Variants in PALM2AKAP2 observed in about 807,000 individuals in gnomAD.
PALM2AKAP2 encodes the protein PALM2-AKAP2 fusion protein.
In PALM2AKAP2, 37 loss-of-function variants were observed where a neutral mutation model predicts 71.5. The ratio of observed to expected loss-of-function variants is 0.52; its 90% CI spans 0.40 to 0.68. The LOEUF (loss-of-function observed/expected upper bound fraction) is 0.68, where lower values mean the gene tolerates loss of function less well. Among genes scored for constraint, PALM2AKAP2 ranks in the 30% least tolerant of loss-of-function variants. The pLI is 0.00. For synonymous variants in PALM2AKAP2, 468 were observed against 478.8 expected (o/e 0.98, Z 0.29); for missense variants, 1,224 against 1,191.8 (o/e 1.03, Z -0.40).
chr9:109,693,952 A>G (rs1353171298), intron 1 of PALM2AKAP2, among the ~76,000 whole-genome samples: 1 of 151,952 alleles, frequency 6.6e-6, no homozygotes, highest in Non-Finnish European at 1.5e-5. Flanking sequence ...TCCTTTATTC[A>G]TTCCACATCA....
At chr9:110,012,806 T>C (rs933286583) in intron 6 of PALM2AKAP2, among the ~76,000 whole-genome samples, 1 of 152,194 alleles carries the variant, frequency 6.6e-6, no homozygotes, top group Non-Finnish European at 1.5e-5. Flanking sequence ...ACAAAAGGAA[T>C]GATTGTATAA....
intron 2 of PALM2AKAP2, among the ~76,000 whole-genome samples, chr9:110,150,004 A>G (rs1270855994): frequency 6.6e-6 from 1 of 152,194 alleles, no homozygotes; most frequent in African/African-American, 2.4e-5. Context: ...CGTATACTGA[A>G]GTCTTAACCC....
At chr9:110,048,898 G>C (rs969218491) in intron 1 of PALM2AKAP2, 4 of 1,477,124 alleles carry the variant, frequency 2.7e-6, no homozygotes, top group Middle Eastern at 3.7e-4. Flanking sequence ...GAGTGTCCTC[G>C]AGTGTGAGGA....
intron 2 of PALM2AKAP2, 75 bp downstream of exon 2, chr9:109,867,646 G>A (rs1829490002): frequency 6.7e-7 from 1 of 1,491,252 alleles, no homozygotes; most frequent in Non-Finnish European, 8.9e-7. Context: ...GGCAGTGCCT[G>A]CCCTGCCGTG....
At chr9:109,849,349 T>A (rs1454288553) in intron 1 of PALM2AKAP2, among the ~76,000 whole-genome samples, 1 of 152,212 alleles carries the variant, frequency 6.6e-6, no homozygotes, top group Non-Finnish European at 1.5e-5. Context: ...AGCTGGTGAT[T>A]TGAAGATAGC....
intron 1 of PALM2AKAP2, among the ~76,000 whole-genome samples, chr9:109,840,526 T>C (rs1587949523): frequency 6.6e-6 from 1 of 152,160 alleles, no homozygotes; most frequent in African/African-American, 2.4e-5. Flanking sequence ...TGGGATCTAA[T>C]TAAACTCAAG....
At chr9:109,755,122 C>T (rs1828940191) in intron 1 of PALM2AKAP2, among the ~76,000 whole-genome samples, 1 of 152,054 alleles carries the variant, frequency 6.6e-6, no homozygotes, top group African/African-American at 2.4e-5. Flanking sequence ...CCTGGTTTCC[C>T]TGCTTCCTCT....
intron 1 of PALM2AKAP2, among the ~76,000 whole-genome samples, chr9:110,097,151 A>G (rs1250972350): frequency 6.7e-6 from 1 of 150,018 alleles, no homozygotes; most frequent in East Asian, 1.9e-4. Flanking sequence ...AGTGGTGATG[A>G]CTCTTAACCA....
At chr9:109,780,105 G>A (rs866809585), upstream of PALM2AKAP2, among the ~76,000 whole-genome samples, 1 of 151,124 alleles carries the variant, frequency 6.6e-6, no homozygotes, top group South Asian at 2.1e-4. Context: ...CCGCGGCCTC[G>A]GGTCCATCAC....
At chr9:109,839,854 G>A (rs544298430) in intron 1 of PALM2AKAP2, among the ~76,000 whole-genome samples, 35 of 152,162 alleles carry the variant, frequency 2.3e-4, no homozygotes, top group African/African-American at 4.3e-4. Flanking sequence ...ACTGCTCAAC[G>A]AAATAGAAGA....
intron 1 of PALM2AKAP2, among the ~76,000 whole-genome samples, chr9:109,718,483 A>G (rs1828361344): frequency 6.6e-6 from 1 of 152,206 alleles, no homozygotes; most frequent in African/African-American, 2.4e-5. Flanking sequence ...GTTGATTTAT[A>G]TTACAGTGTT....
At chr9:109,874,138 C>G (rs553153614) in intron 2 of PALM2AKAP2, among the ~76,000 whole-genome samples, 1 of 152,012 alleles carries the variant, frequency 6.6e-6, no homozygotes, top group Non-Finnish European at 1.5e-5. Context: ...CATGATTTTC[C>G]AAGAATTCCT....
chr9:109,731,126 A>G (rs1444239304), intron 1 of PALM2AKAP2, among the ~76,000 whole-genome samples: 1 of 152,238 alleles, frequency 6.6e-6, no homozygotes, highest in African/African-American at 2.4e-5. Context: ...ACTTATATAC[A>G]TGTATACATA....
At chr9:109,808,079 T>C (rs1288730480) in intron 1 of PALM2AKAP2, among the ~76,000 whole-genome samples, 2 of 152,196 alleles carry the variant, frequency 1.3e-5, no homozygotes, top group African/African-American at 4.8e-5. Flanking sequence ...ACGTCTTTAT[T>C]AGCAGTGTGT....
At chr9:110,017,105 T>C (rs1832996522) in intron 7 of PALM2AKAP2, among the ~76,000 whole-genome samples, 1 of 152,208 alleles carries the variant, frequency 6.6e-6, no homozygotes, top group African/African-American at 2.4e-5. Flanking sequence ...GGTCTCGATC[T>C]CCTGACCTCG....
rs550867904 is a variant in PALM2AKAP2 at position 109,907,107 on chromosome 9, G to A, written c.258-16628G>A. Among the ~76,000 whole-genome samples the A allele has an allele frequency of 2.6e-5, 4 of 152,270 alleles. No homozygotes were observed. In the East Asian group the frequency reaches 7.7e-4, roughly 29 times the overall value. On this transcript the variant is annotated intron_variant, in intron 3 of 9. Transcript: ENST00000302798. ...TTTCTCTTCAAGATCCTACTGACATGTTCCAACCTCCTGAAATCCTGCCCT... is the reference window on the plus strand; with the variant it reads ...TTTCTCTTCAAGATCCTACTGACATATTCCAACCTCCTGAAATCCTGCCCT...
At chr9:110,055,276 A>T (rs1833810575) in intron 1 of PALM2AKAP2, among the ~76,000 whole-genome samples, 1 of 150,918 alleles carries the variant, frequency 6.6e-6, no homozygotes, top group Non-Finnish European at 1.5e-5. Flanking sequence ...GCTCACAGCA[A>T]CCTCCACCTC....
chr9:109,768,945 C>A (rs779352692), intron 1 of PALM2AKAP2, among the ~76,000 whole-genome samples: 1 of 152,112 alleles, frequency 6.6e-6, no homozygotes, highest in East Asian at 1.9e-4. Flanking sequence ...CATAGTGAGA[C>A]CCTATCTCTA....
intron 1 of PALM2AKAP2, among the ~76,000 whole-genome samples, chr9:109,714,572 A>G (rs762294324): frequency 6.6e-6 from 1 of 152,196 alleles, no homozygotes; most frequent in East Asian, 1.9e-4. Context: ...AAAGACCTGG[A>G]TATTACCTGT....
Sources: allele counts gnomAD v4.1 joint callset (sites outside exome capture counted in the v4.1 genomes callset), GRCh38; gene constraint gnomAD v4.1.1; transcripts MANE v1.5; gene names NCBI Gene and HGNC (gene_info 2026-07-23, HGNC 2026-07-21).